The following NFIB variants were observed in gnomAD, a reference collection of about 807,000 sequenced individuals.
NFIB encodes the protein nuclear factor 1 B-type.
Under a neutral mutation model 61.5 loss-of-function variants are expected in NFIB, and 11 were observed. The observed-to-expected ratio is 0.18, with a 90% CI of 0.11 to 0.30. The LOEUF is 0.30. NFIB is among the 10% of genes least tolerant of loss of function. NFIB has a pLI of 1.00. For missense variants in NFIB, 471 were observed against 608.9 expected (o/e 0.77, Z 2.38); for synonymous variants, 260 against 216.5 (o/e 1.20, Z -1.76).
chr9:14,429,860 G>T, the NFIB span, among the ~76,000 whole-genome samples: 1 of 152,222 alleles, frequency 6.6e-6, no homozygotes. Flanking sequence ...CTATGCATTG[G>T]CATATTTTTA....
the NFIB span, among the ~76,000 whole-genome samples, chr9:14,407,074 A>G: frequency 1.3e-5 from 2 of 152,148 alleles, no homozygotes; most frequent in Non-Finnish European, 2.9e-5. Context: ...CAACCCTGTG[A>G]GCTCCCAAAT....
chr9:14,266,095 T>A (rs2057178427), intron 2 of NFIB, among the ~76,000 whole-genome samples: 1 of 152,194 alleles, frequency 6.6e-6, no homozygotes, highest in African/African-American at 2.4e-5. Context: ...ACTCACTCAC[T>A]GTAGACCTCT....
intron 1 of NFIB, among the ~76,000 whole-genome samples, chr9:14,393,706 A>C (rs546701784): frequency 1.3e-5 from 2 of 152,244 alleles, no homozygotes; most frequent in African/African-American, 4.8e-5. Context: ...TTAGCAGAGC[A>C]CTCCCGAATA....
chr9:14,411,722 C>G, the NFIB span, among the ~76,000 whole-genome samples: 1 of 152,128 alleles, frequency 6.6e-6, no homozygotes, highest in Non-Finnish European at 1.5e-5. Flanking sequence ...ATGACAGTCC[C>G]CAATAAACCC....
At chr9:14,191,028 A>G (rs1247351726) in intron 2 of NFIB, among the ~76,000 whole-genome samples, 2 of 152,148 alleles carry the variant, frequency 1.3e-5, no homozygotes, top group Admixed American at 1.3e-4. Flanking sequence ...TTCCATCTCT[A>G]CTAAAAATAC....
At chr9:14,116,090 T>C (rs1435506086) in intron 9 of NFIB, 118 bp downstream of exon 9, 2 of 1,224,578 alleles carry the variant, frequency 1.6e-6, no homozygotes, top group African/African-American at 3.1e-5. Context: ...TCTGGTCAGG[T>C]AGCTGGAAAA....
chr9:14,116,398 T>C, intron 8 of NFIB, 52 bp from the exon 9 acceptor site: 2 of 1,430,416 alleles, frequency 1.4e-6, no homozygotes, highest in Middle Eastern at 2.1e-4. Context: ...GGCAGTCATC[T>C]TGTTCAACAA....
chr9:14,195,462 G>A (rs999376428), intron 2 of NFIB, among the ~76,000 whole-genome samples: 3 of 152,212 alleles, frequency 2.0e-5, no homozygotes, highest in Admixed American at 2.0e-4. Context: ...ACACGAAACA[G>A]AGAAATAATC....
the NFIB span, among the ~76,000 whole-genome samples, chr9:14,450,572 A>G: frequency 6.6e-6 from 1 of 152,000 alleles, no homozygotes; most frequent in African/African-American, 2.4e-5. Context: ...CTTATAACAA[A>G]CCTTGCTCAG....
chr9:14,457,453 C>T, the NFIB span, among the ~76,000 whole-genome samples: 1 of 152,008 alleles, frequency 6.6e-6, no homozygotes, highest in Non-Finnish European at 1.5e-5. Context: ...ATTAAAAGAA[C>T]TAGAGAAGCG....
At chr9:14,154,133 T>C (rs557992582) in intron 4 of NFIB, among the ~76,000 whole-genome samples, 6 of 152,244 alleles carry the variant, frequency 3.9e-5, no homozygotes, top group Admixed American at 3.3e-4. Flanking sequence ...ATGTTTGAAA[T>C]TCAGATTTTT....
At chr9:14,288,487 T>C (rs2058862853) in intron 2 of NFIB, among the ~76,000 whole-genome samples, 1 of 152,094 alleles carries the variant, frequency 6.6e-6, no homozygotes, top group Non-Finnish European at 1.5e-5. Flanking sequence ...AAACAGTATA[T>C]ATCAATGCCA....
intron 1 of NFIB, among the ~76,000 whole-genome samples, chr9:14,390,888 C>G (rs1184034976): frequency 1.3e-5 from 2 of 152,130 alleles, no homozygotes; most frequent in African/African-American, 2.4e-5. Flanking sequence ...CTATGGTATT[C>G]TATTACAGTA....
chr9:14,104,971 C>G (rs1394794208), intron 10 of NFIB, among the ~76,000 whole-genome samples: 1 of 152,090 alleles, frequency 6.6e-6, no homozygotes, highest in African/African-American at 2.4e-5. Context: ...CCAGGGGAAT[C>G]TAAATACCAC....
chr9:14,102,041 G>A (rs2035858232), intron 10 of NFIB, among the ~76,000 whole-genome samples: 1 of 152,108 alleles, frequency 6.6e-6, no homozygotes, highest in Admixed American at 6.5e-5. Context: ...GTTAAAATAA[G>A]AAAAACCTAC....
chr9:14,332,098 C>T (rs908629627), intron 1 of NFIB, among the ~76,000 whole-genome samples: 10 of 151,898 alleles, frequency 6.6e-5, no homozygotes, highest in Non-Finnish European at 8.8e-5. Flanking sequence ...TTTAGGAAGC[C>T]GAAGCTGGTG....
intron 10 of NFIB, among the ~76,000 whole-genome samples, chr9:14,104,858 T>C (rs1468723910): frequency 3.3e-5 from 5 of 152,122 alleles, no homozygotes; most frequent in East Asian, 4.0e-4. Flanking sequence ...TATTTAGGCA[T>C]AGTACATATT....
At chr9:14,211,615 G>A (rs558416658) in intron 2 of NFIB, among the ~76,000 whole-genome samples, 10 of 152,288 alleles carry the variant, frequency 6.6e-5, no homozygotes, top group Admixed American at 3.9e-4. Context: ...CAGAGCCAGG[G>A]ACAAAACAAG....
chr9:14,167,153 C>T (rs78878592), intron 3 of NFIB, among the ~76,000 whole-genome samples: 2 of 149,698 alleles, frequency 1.3e-5, no homozygotes, highest in Admixed American at 6.8e-5. Flanking sequence ...GAAAACAGAT[C>T]AATAAGTCAT....
Sources: gnomAD v4.1 joint callset for allele counts (sites outside exome capture counted in the v4.1 genomes callset) on GRCh38, gnomAD v4.1.1 for gene constraint, MANE v1.5 for transcripts, NCBI Gene and HGNC (gene_info 2026-07-23, HGNC 2026-07-21) for gene names.